The following DPYD variants were observed in gnomAD, a reference collection of about 807,000 sequenced individuals.
DPYD encodes the protein dihydropyrimidine dehydrogenase [NADP(+)].
In DPYD, 109 loss-of-function variants were observed where a neutral mutation model predicts 116.2. The ratio of observed to expected loss-of-function variants is 0.94; its 90% CI spans 0.80 to 1.10. The LOEUF (loss-of-function observed/expected upper bound fraction) is 1.10, where lower values mean the gene tolerates loss of function less well. Ranked by LOEUF, DPYD falls within the 50% of genes least tolerant of loss-of-function variation. DPYD has a pLI of 0.00. For missense variants in DPYD, 1,302 were observed against 1,254.5 expected, an observed-to-expected ratio of 1.04 and a Z score of -0.57; for synonymous variants, 440 against 432.0, an observed-to-expected ratio of 1.02 and a Z score of -0.23.
At chr1:97,812,121 C>T (rs1174001590) in intron 3 of DPYD, among the ~76,000 whole-genome samples, 2 of 152,124 alleles carry the variant, frequency 1.3e-5, no homozygotes, top group Non-Finnish European at 2.9e-5. Flanking sequence ...TTAATAAATG[C>T]ATGCTGATGA....
intron 8 of DPYD, among the ~76,000 whole-genome samples, chr1:97,662,895 AC>A (rs1297435251): frequency 2.6e-5 from 4 of 152,184 alleles, no homozygotes; most frequent in Admixed American, 1.3e-4. Flanking sequence ...TGGTAGTCAC[AC>A]AGTTTCACTG....
intron 18 of DPYD, among the ~76,000 whole-genome samples, chr1:97,296,457 T>C (rs1300957121): frequency 1.3e-5 from 2 of 152,176 alleles, no homozygotes; most frequent in Non-Finnish European, 2.9e-5. Context: ...TGATAAACTC[T>C]ATTTAAGAAT....
At chr1:97,539,970 G>GTGT (rs760281798) in intron 12 of DPYD, among the ~76,000 whole-genome samples, 1 of 151,758 alleles carries the variant, frequency 6.6e-6, no homozygotes, top group Non-Finnish European at 1.5e-5. Flanking sequence ...TGAATGCTGT[G>GTGT]TGAGTGGATA....
chr1:97,316,342 GA>G (rs58765306), intron 16 of DPYD, among the ~76,000 whole-genome samples: 193 of 139,824 alleles, frequency 1.4e-3, no homozygotes, highest in African/African-American at 3.2e-3. Flanking sequence ...GTAAAAAAAA[GA>G]AAAAAAAAAA....
chr1:97,128,910 A>C (rs1442565573), intron 20 of DPYD, among the ~76,000 whole-genome samples: 1 of 152,140 alleles, frequency 6.6e-6, no homozygotes, highest in Non-Finnish European at 1.5e-5. Context: ...TAGAGTGTGG[A>C]TGGAGGAGTG....
At chr1:97,344,849 A>C (rs1045886542) in intron 16 of DPYD, among the ~76,000 whole-genome samples, 4 of 151,914 alleles carry the variant, frequency 2.6e-5, no homozygotes, top group Admixed American at 2.0e-4. Flanking sequence ...GATTTTTAGA[A>C]TTGGCCTGCT....
chr1:97,485,437 G>A (rs1185267617), intron 13 of DPYD, among the ~76,000 whole-genome samples: 2 of 152,120 alleles, frequency 1.3e-5, no homozygotes, highest in East Asian at 3.9e-4. Flanking sequence ...CCTGAGCTCA[G>A]GTGATCCACC....
intron 10 of DPYD, among the ~76,000 whole-genome samples, chr1:97,591,283 T>C (rs1443699548): frequency 6.6e-6 from 1 of 152,178 alleles, no homozygotes; most frequent in Non-Finnish European, 1.5e-5. Context: ...TTAATTTTTC[T>C]CCACAGTTCT....
chr1:97,821,399 A>C (rs1304753398), intron 3 of DPYD, among the ~76,000 whole-genome samples: 1 of 151,816 alleles, frequency 6.6e-6, no homozygotes, highest in Non-Finnish European at 1.5e-5. Context: ...ACTGTTCAGG[A>C]TTTATCACAG....
chr1:97,610,814 A>G (rs79339775), intron 8 of DPYD, among the ~76,000 whole-genome samples: 1,989 of 152,150 alleles, frequency 0.013, 22 homozygotes, highest in Middle Eastern at 0.024. Flanking sequence ...TTGTTTGCTC[A>G]AATCATGATT....
In DPYD at chr1:97,699,477, G is replaced by A. The variant is rs2100972015; in HGVS notation, c.554C>T (p.Ala185Val). The A allele has an allele frequency of 6.2e-7, 1 of 1,613,504 alleles. No individual in the cohort carries two copies. Among genetic ancestry groups the A allele is most frequent in the Non-Finnish European group, 8.5e-7 (1 of 1,179,650 alleles). Reference protein sequence around the residue: ...SLPPPEKMSEAYSAKIALFGA... With the variant: ...SLPPPEKMSEVYSAKIALFGA... The stretch of plus-strand genomic sequence containing the variant: ...AAAAAGAGCAATCTTTGCAGAATAG[G>A]CTTCAGACATTTTTTCTGGGGGAGG... The change falls in exon 6 of 23, where the codon GCC (alanine) becomes GTC (valine). Residue 185 changes from alanine to valine, a missense_variant. Ala to Val is a moderately conservative substitution (Grantham distance 64, BLOSUM62 0). Coordinates refer to ENST00000370192, the MANE Select transcript of DPYD (RefSeq NM_000110.4).
rs1668389757 is a variant in DPYD, at chr1:97,812,547, T to C, written c.233+15567A>G. Among the ~76,000 whole-genome samples the C allele has an allele frequency of 2.6e-5, 4 of 152,246 alleles. No individual in the cohort carries two copies. In the South Asian group the frequency reaches 8.3e-4, roughly 32 times the overall value. On this transcript the variant is annotated intron_variant, in intron 3 of 22. Transcript: ENST00000370192. ...GTACCCTAACAGTAACACAATAATCTAGATTTAGTCAAGTCAAATTTATCT... is the reference window on the plus strand; with the variant it reads ...GTACCCTAACAGTAACACAATAATCCAGATTTAGTCAAGTCAAATTTATCT...
chr1:97,876,267 T>C (rs1205424003), intron 2 of DPYD, among the ~76,000 whole-genome samples: 3 of 151,930 alleles, frequency 2.0e-5, no homozygotes, highest in African/African-American at 4.8e-5. Flanking sequence ...CTACTGCGGT[T>C]TTGCAGTTGC....
At chr1:97,746,223 T>TA (rs1267281779) in intron 3 of DPYD, among the ~76,000 whole-genome samples, 1 of 152,178 alleles carries the variant, frequency 6.6e-6, no homozygotes, top group African/African-American at 2.4e-5. Context: ...TATTCTAGTC[T>TA]GTAACATTTA....
intron 20 of DPYD, among the ~76,000 whole-genome samples, chr1:97,147,939 T>A (rs976563185): frequency 6.6e-6 from 1 of 152,162 alleles, no homozygotes; most frequent in Non-Finnish European, 1.5e-5. Context: ...TTACAAAGTG[T>A]GTGCACTTTG....
intron 3 of DPYD, among the ~76,000 whole-genome samples, chr1:97,799,029 C>A (rs1358589342): frequency 6.6e-6 from 1 of 151,974 alleles, no homozygotes; most frequent in African/African-American, 2.4e-5. Context: ...TACGTCTCTA[C>A]TTGCTTCTTA....
In DPYD at chr1:97,154,066, C is replaced by T. The variant is rs138154988; in HGVS notation, c.2622+39003G>A. 5.8e-3 allele frequency among the ~76,000 whole-genome samples: 881 copies of T among 151,272 alleles called. 12 individuals are homozygous for T. The highest frequency in any genetic ancestry group is 0.021 in the African/African-American group (853 of 41,246). ...TTGGTAGGAATGTAAACTAGTACAA[C>T]GACTATGGAAAACAGTGTGTAGATT... On this transcript the variant is annotated intron_variant, in intron 20 of 22. Coordinates refer to ENST00000370192, the MANE Select transcript of DPYD (RefSeq NM_000110.4).
intron 8 of DPYD, among the ~76,000 whole-genome samples, chr1:97,677,674 G>A (rs1660217845): frequency 6.6e-6 from 1 of 152,010 alleles, no homozygotes. Flanking sequence ...AATGACAATG[G>A]CACCCAAAAT....
intron 8 of DPYD, among the ~76,000 whole-genome samples, chr1:97,599,576 G>A (rs1036452966): frequency 6.6e-6 from 1 of 152,016 alleles, no homozygotes; most frequent in Admixed American, 6.6e-5. Flanking sequence ...GATGCTTCCT[G>A]TCCTTGAAAG....
Sources: allele counts gnomAD v4.1 joint callset (sites outside exome capture counted in the v4.1 genomes callset), GRCh38; gene constraint gnomAD v4.1.1; transcripts MANE v1.5; gene names NCBI Gene and HGNC (gene_info 2026-07-23, HGNC 2026-07-21).